The following VPS41 variants were observed in gnomAD, a reference collection of about 807,000 sequenced individuals.
VPS41 encodes VPS41 subunit of HOPS complex, also known as vacuolar protein sorting-associated protein 41 homolog.
A neutral mutation model predicts 130.9 loss-of-function variants in VPS41; 85 were observed. The observed-to-expected ratio is 0.65, with a 90% CI of 0.55 to 0.78. VPS41 has a LOEUF of 0.78. VPS41 is among the 30% of genes least tolerant of loss of function. The pLI, the probability that VPS41 is intolerant of heterozygous loss-of-function variation, is 0.00. For missense variants in VPS41, 874 were observed against 1,018.7 expected (o/e 0.86, Z 1.93); for synonymous variants, 335 against 332.9 (o/e 1.01, Z -0.07).
At chr7:38,743,631 A>G (rs1262835567) in intron 23 of VPS41, 89 bp from the exon 24 acceptor site, 1 of 1,469,982 alleles carries the variant, frequency 6.8e-7, no homozygotes, top group South Asian at 1.3e-5. Context: ...ATTTGTTTAC[A>G]TAGGTGGAAA....
In VPS41 at chr7:38,823,103, C is replaced by T. The variant is rs374126669; in HGVS notation, c.322-1838G>A. ...CAAATTCACTGTGTTGAAACCTAAC[C>T]TCCAAGGTGATGGTATTAAGAAGTA... is the stretch of plus-strand genomic sequence containing the variant. On this transcript the variant is annotated intron_variant, in intron 5 of 28. Coordinates refer to ENST00000310301, the MANE Select transcript of VPS41 (RefSeq NM_014396.4). 9.2e-5 allele frequency among the ~76,000 whole-genome samples: 14 copies of T among 152,302 alleles called. No individual in the cohort carries two copies. The East Asian group carries it at 2.5e-3, about 27-fold the overall frequency.
chr7:38,745,522 T>C, intron 23 of VPS41, 37 bp downstream of exon 23: 1 of 1,546,502 alleles, frequency 6.5e-7, no homozygotes, highest in Admixed American at 1.7e-5. Context: ...TCCCATTTCT[T>C]AGTTTATGGG....
At chr7:38,892,519 C>T (rs1786888693) in intron 2 of VPS41, among the ~76,000 whole-genome samples, 1 of 152,194 alleles carries the variant, frequency 6.6e-6, no homozygotes, top group Non-Finnish European at 1.5e-5. Context: ...TGTTCCATTA[C>T]ATCTTTGCTC....
intron 7 of VPS41, among the ~76,000 whole-genome samples, chr7:38,812,012 T>A (rs1428502514): frequency 6.6e-6 from 1 of 152,110 alleles, no homozygotes; most frequent in African/African-American, 2.4e-5. Flanking sequence ...TAGGCTAGGC[T>A]AAGATGTGAT....
chr7:38,727,368 C>A (rs1425348365), intron 27 of VPS41, among the ~76,000 whole-genome samples: 1 of 152,184 alleles, frequency 6.6e-6, no homozygotes, highest in African/African-American at 2.4e-5. Context: ...CTACCTTTGC[C>A]AAGACCACAC....
intron 4 of VPS41, among the ~76,000 whole-genome samples, chr7:38,860,962 A>T (rs1449664853): frequency 6.6e-6 from 1 of 152,166 alleles, no homozygotes; most frequent in African/African-American, 2.4e-5. Context: ...TGCCAAAAAA[A>T]GGTGCAAAGC....
At chr7:38,751,428 G>A (rs1057192059) in intron 22 of VPS41, among the ~76,000 whole-genome samples, 1 of 152,200 alleles carries the variant, frequency 6.6e-6, no homozygotes, top group African/African-American at 2.4e-5. Context: ...CCAGTTGTTA[G>A]CACATATATA....
intron 9 of VPS41, among the ~76,000 whole-genome samples, chr7:38,792,135 C>G (rs1022469932): frequency 1.3e-5 from 2 of 152,194 alleles, no homozygotes; most frequent in African/African-American, 4.8e-5. Flanking sequence ...CATGGCTCTA[C>G]TGCACTCCTC....
intron 8 of VPS41, 34 bp from the exon 9 acceptor site, chr7:38,795,645 T>G (rs1213985119): frequency 2.5e-6 from 4 of 1,581,886 alleles, no homozygotes; most frequent in Non-Finnish European, 2.6e-6. Context: ...CATCCTCTAC[T>G]CAGGAGGAAA....
chr7:38,906,332 GTTTT>G (rs35763199), intron 1 of VPS41, among the ~76,000 whole-genome samples: 87 of 150,778 alleles, frequency 5.8e-4, no homozygotes, highest in African/African-American at 1.9e-3. Flanking sequence ...AGACTGCTGG[GTTTT>G]TTTTTGTTTG....
intron 2 of VPS41, among the ~76,000 whole-genome samples, chr7:38,890,638 C>T (rs1225232869): frequency 3.3e-5 from 5 of 151,852 alleles, no homozygotes; most frequent in African/African-American, 1.2e-4. Flanking sequence ...AAGATGTTAC[C>T]CTTTGGAAAG....
intron 22 of VPS41, 80 bp downstream of exon 22, chr7:38,752,092 TAGAA>T: frequency 6.4e-6 from 10 of 1,566,942 alleles, no homozygotes; most frequent in African/African-American, 1.4e-5. Context: ...TGAACAGAGA[TAGAA>T]AGAGAAGAAA....
chr7:38,838,851 C>T (rs1466077891), intron 4 of VPS41, among the ~76,000 whole-genome samples: 1 of 152,150 alleles, frequency 6.6e-6, no homozygotes, highest in African/African-American at 2.4e-5. Context: ...ACGGTCATTT[C>T]GAAAGCTGCT....
At chr7:38,890,548 T>C (rs2116412927) in intron 2 of VPS41, among the ~76,000 whole-genome samples, 1 of 152,328 alleles carries the variant, frequency 6.6e-6, no homozygotes, top group Admixed American at 6.5e-5. Context: ...TGAATGCATG[T>C]AATACGGGTG....
At chr7:38,834,816 A>T (rs1281830386) in intron 4 of VPS41, among the ~76,000 whole-genome samples, 1 of 151,968 alleles carries the variant, frequency 6.6e-6, no homozygotes, top group East Asian at 1.9e-4. Flanking sequence ...AAGCTACTCA[A>T]ATGTTCTCAT....
intron 2 of VPS41, among the ~76,000 whole-genome samples, chr7:38,879,000 T>G (rs76406522): frequency 2.0e-5 from 3 of 152,252 alleles, no homozygotes; most frequent in Non-Finnish European, 1.5e-5. Flanking sequence ...ATGGTCTTAT[T>G]TGAAGACAGT....
intron 23 of VPS41, among the ~76,000 whole-genome samples, chr7:38,744,108 C>T (rs978395437): frequency 6.6e-6 from 1 of 152,210 alleles, no homozygotes; most frequent in Non-Finnish European, 1.5e-5. Flanking sequence ...TTCTCTCCCA[C>T]GTTCAGGGGA....
chr7:38,784,087 A>G (rs1784397673), intron 10 of VPS41, among the ~76,000 whole-genome samples: 1 of 152,124 alleles, frequency 6.6e-6, no homozygotes, highest in African/African-American at 2.4e-5. Flanking sequence ...AGAAACCACT[A>G]TTTTTCTCTC....
intron 2 of VPS41, among the ~76,000 whole-genome samples, chr7:38,883,006 G>C (rs1391145893): frequency 2.0e-5 from 3 of 152,174 alleles, no homozygotes; most frequent in African/African-American, 7.2e-5. Context: ...ACTTTGGGAG[G>C]CCGAGGCAGA....
Sources: gnomAD v4.1 joint callset for allele counts (sites outside exome capture counted in the v4.1 genomes callset) on GRCh38, gnomAD v4.1.1 for gene constraint, MANE v1.5 for transcripts, NCBI Gene and HGNC (gene_info 2026-07-23, HGNC 2026-07-21) for gene names.